Variants in KCNH1 observed in about 807,000 individuals in gnomAD.
KCNH1 encodes the protein potassium voltage-gated channel subfamily H member 1, also known as voltage-gated delayed rectifier potassium channel KCNH1.
A neutral mutation model predicts 69.2 loss-of-function variants in KCNH1; 27 were observed. The ratio of observed to expected loss-of-function variants is 0.39; its 90% confidence interval spans 0.29 to 0.54. The LOEUF is 0.54. KCNH1 is among the 20% of genes least tolerant of loss of function. The probability of loss-of-function intolerance (pLI) is 0.68; values close to 1 mark genes in which losing one functional copy is unlikely to be tolerated. For missense variants in KCNH1, 798 were observed against 1,261.6 expected, an observed-to-expected ratio of 0.63 and a Z score of 5.57; for synonymous variants, 456 against 487.7, an observed-to-expected ratio of 0.93 and a Z score of 0.86.
At chr1:210,723,722 A>C (rs888513911) in intron 10 of KCNH1, among the ~76,000 whole-genome samples, 1 of 152,146 alleles carries the variant, frequency 6.6e-6, no homozygotes, top group East Asian at 1.9e-4. Flanking sequence ...ATACCAAAAA[A>C]CCCCAACAAT....
intron 10 of KCNH1, among the ~76,000 whole-genome samples, chr1:210,685,405 C>A (rs1251925162): frequency 6.6e-6 from 1 of 152,164 alleles, no homozygotes; most frequent in Non-Finnish European, 1.5e-5. Flanking sequence ...CCTGGGCAGG[C>A]CACTTAGACC....
At chr1:210,989,075 T>C (rs1385828035) in intron 6 of KCNH1, among the ~76,000 whole-genome samples, 2 of 152,200 alleles carry the variant, frequency 1.3e-5, no homozygotes, top group East Asian at 1.9e-4. Flanking sequence ...TTTCCACATA[T>C]GAGTTGAATC....
intron 6 of KCNH1, among the ~76,000 whole-genome samples, chr1:210,973,392 T>C (rs1485311708): frequency 6.6e-6 from 1 of 152,146 alleles, no homozygotes; most frequent in African/African-American, 2.4e-5. Context: ...CAACAAAGAC[T>C]CTTTCTCTCA....
At chr1:211,040,291 T>C (rs1558579009) in intron 5 of KCNH1, among the ~76,000 whole-genome samples, 1 of 151,974 alleles carries the variant, frequency 6.6e-6, no homozygotes, top group Non-Finnish European at 1.5e-5. Flanking sequence ...CAGAATGATA[T>C]GGTTTGGCTG....
intron 7 of KCNH1, among the ~76,000 whole-genome samples, chr1:210,826,093 T>A (rs1036524368): frequency 1.3e-5 from 2 of 152,230 alleles, no homozygotes; most frequent in Admixed American, 6.5e-5. Flanking sequence ...ATTTTTCTAA[T>A]TTTAATTTGT....
chr1:211,037,381 C>T lies in KCNH1; in HGVS notation c.559-18125G>A, dbSNP rs894932900. ...ATGCAATGGGAAGGCTGGTATTTTG[C>T]TTATTTTACAAATTAGGAAAATAGA... is the stretch of plus-strand genomic sequence containing the variant. On this transcript the variant is annotated intron_variant, in intron 5 of 10. Transcript: ENST00000271751. 7.2e-4 allele frequency among the ~76,000 whole-genome samples: 109 copies of T among 151,762 alleles called. 10 individuals carry two copies. Among genetic ancestry groups the T allele is most frequent in the Non-Finnish European group, 5.9e-5 (4 of 67,986 alleles).
At chr1:210,778,079 T>C (rs1056749313) in intron 9 of KCNH1, among the ~76,000 whole-genome samples, 4 of 152,162 alleles carry the variant, frequency 2.6e-5, no homozygotes, top group Non-Finnish European at 4.4e-5. Flanking sequence ...CAGCTGACAG[T>C]CTCGACTGCC....
At chr1:211,044,435 T>A (rs1305145280) in intron 5 of KCNH1, among the ~76,000 whole-genome samples, 2 of 152,106 alleles carry the variant, frequency 1.3e-5, no homozygotes, top group Non-Finnish European at 2.9e-5. Flanking sequence ...CTAAAGAGCC[T>A]TTGCACAGCA....
intron 7 of KCNH1, among the ~76,000 whole-genome samples, chr1:210,870,948 C>T (rs1326898544): frequency 6.6e-6 from 1 of 152,110 alleles, no homozygotes; most frequent in African/African-American, 2.4e-5. Context: ...CTGGATAGCC[C>T]CAGACAATTT....
At chr1:210,730,590 T>C (rs1338127761) in intron 10 of KCNH1, among the ~76,000 whole-genome samples, 1 of 114,982 alleles carries the variant, frequency 8.7e-6, no homozygotes, top group Non-Finnish European at 1.7e-5. Flanking sequence ...TTCCAGCTTT[T>C]CCCCATGTAA....
chr1:210,687,050 GT>G (rs1384903321), intron 10 of KCNH1, among the ~76,000 whole-genome samples: 1 of 152,160 alleles, frequency 6.6e-6, no homozygotes, highest in East Asian at 1.9e-4. Context: ...CATAGTCAAT[GT>G]TATAAAAAGC....
At chr1:211,028,820 T>C (rs930537024) in intron 5 of KCNH1, among the ~76,000 whole-genome samples, 2 of 152,010 alleles carry the variant, frequency 1.3e-5, no homozygotes, top group African/African-American at 2.4e-5. Flanking sequence ...TAATAAATAA[T>C]GGTGTCAAAA....
rs1411972991 is a variant in KCNH1, at chr1:210,718,281, A to G, written c.2113-34143T>C. Among the ~76,000 whole-genome samples, 27 of 120,710 alleles carry G rather than the reference A, an allele frequency of 2.2e-4. 1 individual carries two copies. Among genetic ancestry groups the G allele is most frequent in the African/African-American group, 6.8e-4 (24 of 35,234 alleles). The allele number at this position is 120,710 out of a possible 152,430, so 79.2% of individuals were successfully genotyped here. A position where few individuals can be genotyped will look rare whatever the true frequency, so the allele number is the denominator to read the frequency against. ...AATATTATAAATATATGTGCATATA[A>G]AAATATGTGTATATAAATATATGTA... On this transcript the variant is annotated intron_variant, in intron 10 of 10. Coordinates refer to ENST00000271751, the MANE Select transcript of KCNH1 (RefSeq NM_172362.3).
intron 7 of KCNH1, among the ~76,000 whole-genome samples, chr1:210,855,523 G>C (rs1384205735): frequency 6.6e-6 from 1 of 152,208 alleles, no homozygotes; most frequent in Non-Finnish European, 1.5e-5. Context: ...ATGTGGCCTT[G>C]ACCATATTCT....
At chr1:210,711,856 C>T (rs1192607587) in intron 10 of KCNH1, among the ~76,000 whole-genome samples, 1 of 152,300 alleles carries the variant, frequency 6.6e-6, no homozygotes, top group South Asian at 2.1e-4. Context: ...ATGAAGGCCA[C>T]AGTGGGGAAC....
intron 7 of KCNH1, among the ~76,000 whole-genome samples, chr1:210,831,055 G>A (rs1028887298): frequency 2.6e-5 from 4 of 152,152 alleles, no homozygotes; most frequent in Admixed American, 1.3e-4. Context: ...TACTGATTAT[G>A]GTCCCTCAAT....
At chr1:210,961,632 G>A (rs1688296634) in intron 6 of KCNH1, among the ~76,000 whole-genome samples, 1 of 152,018 alleles carries the variant, frequency 6.6e-6, no homozygotes, top group Non-Finnish European at 1.5e-5. Flanking sequence ...CCTGAGGTCG[G>A]GAGTTCAAGA....
chr1:210,950,274 T>C (rs1688038793), intron 6 of KCNH1, among the ~76,000 whole-genome samples: 2 of 151,068 alleles, frequency 1.3e-5, no homozygotes, highest in African/African-American at 2.4e-5. Context: ...ATTGTGCAGG[T>C]TAGTTACATA....
intron 7 of KCNH1, among the ~76,000 whole-genome samples, chr1:210,808,060 G>C (rs181546042): frequency 6.6e-6 from 1 of 152,316 alleles, no homozygotes; most frequent in Non-Finnish European, 1.5e-5. Context: ...TGAAGGTCCT[G>C]TCTCCTCCAT....
Sources: allele counts gnomAD v4.1 joint callset (sites outside exome capture counted in the v4.1 genomes callset), GRCh38; gene constraint gnomAD v4.1.1; transcripts MANE v1.5; gene names NCBI Gene and HGNC (gene_info 2026-07-23, HGNC 2026-07-21).